DNHD1: variants seen among roughly 807,000 people sequenced by gnomAD.
DNHD1 encodes the protein dynein heavy chain domain-containing protein 1.
Under a neutral mutation model 458.1 loss-of-function variants are expected in DNHD1, and 383 were observed. That is an observed-to-expected ratio of 0.84 (90% CI 0.77 to 0.91). The LOEUF (loss-of-function observed/expected upper bound fraction) is 0.91. DNHD1 is among the 40% of genes least tolerant of loss of function. The pLI, the probability that DNHD1 is intolerant of heterozygous loss-of-function variation, is 0.00. For missense variants in DNHD1, 5,336 were observed against 5,866.1 expected (o/e 0.91, Z 2.95); for synonymous variants, 2,203 against 2,376.9 (o/e 0.93, Z 2.13).
At chr11:6,558,738 C>G in intron 26 of DNHD1, 45 bp downstream of exon 26, 1 of 1,539,222 alleles carries the variant, frequency 6.5e-7, no homozygotes, top group Non-Finnish European at 8.8e-7. Context: ...CTACCAGGCT[C>G]TAATGAGGGT....
At chr11:6,553,974 T>C (rs1462624358) in intron 24 of DNHD1, among the ~76,000 whole-genome samples, 25 of 151,328 alleles carry the variant, frequency 1.7e-4, no homozygotes, top group Admixed American at 1.6e-3. Flanking sequence ...TTTTTTTTGG[T>C]AAGTTGACAG....
Position 6,567,044 on chromosome 11 carries a change from A to G in DNHD1, c.11535A>G (p.Val3845=). 1 of 1,614,002 alleles carries G rather than the reference A, an allele frequency of 6.2e-7. No homozygotes were observed. The highest frequency in any genetic ancestry group is 2.2e-5 in the East Asian group (1 of 44,880). Residue 3845 remains valine (V), a synonymous_variant, in exon 36 of 43, where the codon GTA becomes GTG. Coordinates refer to ENST00000254579, the MANE Select transcript of DNHD1 (RefSeq NM_144666.3). ...ELEGQKLQEM[V]LWAPYRPVVW... is the part of the protein sequence containing the mutation. ...AAGGGCAGAAACTACAGGAGATGGTATTGTGGGCACCCTATCGACCTGTGG... is the reference window on the plus strand; with the variant it reads ...AAGGGCAGAAACTACAGGAGATGGTGTTGTGGGCACCCTATCGACCTGTGG...
chr11:6,528,825 C>A (rs894465980), intron 11 of DNHD1, 38 bp downstream of exon 11: 3 of 1,549,912 alleles, frequency 1.9e-6, no homozygotes, highest in African/African-American at 2.7e-5. Context: ...CGCTGCCCAC[C>A]AATTCCCATT....
At chr11:6,536,368 A>G (rs949103247) in intron 14 of DNHD1, among the ~76,000 whole-genome samples, 11 of 152,236 alleles carry the variant, frequency 7.2e-5, no homozygotes, top group African/African-American at 2.4e-4. Context: ...TCAATATAAT[A>G]TATGAAATTT....
rs1389544034 is a variant in DNHD1, at chr11:6,508,920, C to T, written c.961C>T (p.Pro321Ser). 1.2e-6 allele frequency: 2 copies of T among 1,614,046 alleles called. No homozygotes were observed. The highest frequency in any genetic ancestry group is 2.7e-5 in the African/African-American group (2 of 74,912). ...LMVVPPDKVN[P>S]EHYIFSPFGI... ...GGTGGTGCCACCCGACAAGGTGAAT[C>T]CCGAGCACTACATCTTCTCTCCCTT... The change falls in exon 5 of 43, where the codon CCC becomes TCC. Residue 321 changes from proline to serine, a missense_variant. Physicochemically the swap from Pro to Ser is moderately conservative, Grantham distance 74. Transcript: ENST00000254579.
In DNHD1 at chr11:6,570,712, C is replaced by T. The variant is rs570280604; in HGVS notation, c.13200C>T (p.Gly4400=). The change falls in exon 42 of 43, where the codon GGC becomes GGT. Residue 4400 remains glycine, a synonymous_variant. Transcript: ENST00000254579. ...PEPRLCGLSE[G]PQAWLLRRQS... ...CCCGGCTCTGCGGACTGAGTGAGGG[C>T]CCCCAAGCCTGGCTGTTGCGACGCC... is the stretch of plus-strand genomic sequence containing the variant. The T allele has an allele frequency of 6.7e-4, 1,075 of 1,611,024 alleles. 12 individuals carry two copies. In the South Asian group the frequency reaches 0.011, roughly 16 times the overall value.
chr11:6,544,311 G>C (rs1853160822), intron 19 of DNHD1, 65 bp downstream of exon 19: 2 of 1,537,380 alleles, frequency 1.3e-6, no homozygotes, highest in East Asian at 4.9e-5. Flanking sequence ...AGAGGGATGG[G>C]GGTGAGAGGT....
intron 4 of DNHD1, 60 bp downstream of exon 4, chr11:6,502,986 T>C: frequency 1.9e-6 from 3 of 1,579,394 alleles, no homozygotes; most frequent in Non-Finnish European, 2.6e-6. Flanking sequence ...CTATGCTATC[T>C]TCCCCCTCCT....
chr11:6,571,751 G>A lies in DNHD1; in HGVS notation c.14027G>A (p.Ser4676Asn). Residue 4676 changes from serine to asparagine, a missense_variant, in exon 43 of 43, where the codon AGC becomes AAC. By Grantham distance (46) the Ser-to-Asn change is conservative. This residue lies in a region of DNHD1 where 698 missense variants were observed against 664.9 expected (regional missense o/e 1.05). Coordinates refer to ENST00000254579, the MANE Select transcript of DNHD1 (RefSeq NM_144666.3). This position sits in a 1 kb window ranked among gnomAD's most constrained non-coding sequence, Gnocchi z 5.0. ...IAGALQDSPS[S>N]QPSPLPPVSI... Reference sequence around the variant, plus strand: ...GGAGCCTTGCAGGACAGTCCTTCCAGCCAACCCAGCCCTCTGCCTCCCGTC... The same window carrying A: ...GGAGCCTTGCAGGACAGTCCTTCCAACCAACCCAGCCCTCTGCCTCCCGTC... 6.2e-7 allele frequency: 1 copy of A among 1,613,376 alleles called. No homozygotes were observed. Among genetic ancestry groups the A allele is most frequent in the Non-Finnish European group, 8.5e-7 (1 of 1,179,618 alleles).
intron 6 of DNHD1, among the ~76,000 whole-genome samples, chr11:6,510,939 T>A (rs572381030): frequency 3.3e-4 from 50 of 152,306 alleles, no homozygotes; most frequent in African/African-American, 1.2e-3. Flanking sequence ...TTTAGCTTTC[T>A]CTATTCCAAG....
rs780869655 is a variant in DNHD1 at position 6,502,882 on chromosome 11, G to C, written c.876G>C (p.Lys292Asn). 6.2e-6 allele frequency: 10 copies of C among 1,613,766 alleles called. No individual in the cohort carries two copies. The highest frequency in any genetic ancestry group is 5.1e-6 in the Non-Finnish European group (6 of 1,179,852). Residue 292 changes from lysine to asparagine, a missense_variant, in exon 4 of 43, where the codon AAG (lysine) becomes AAC (asparagine). Lys to Asn is a moderately conservative substitution (Grantham distance 94). Around this residue, in one of 4 missense-constraint regions of DNHD1, gnomAD observed 3,932 missense variants for 4,365.6 expected, o/e 0.90. Transcript: ENST00000254579. ...TALKMERYLK[K>N]IHFLYLNVAP... The stretch of plus-strand genomic sequence containing the variant: ...TGAAGATGGAGAGATACCTGAAGAA[G>C]ATCCACTTCCTCTATCTCAATGTGG...
chr11:6,570,824 C>G lies in DNHD1; in HGVS notation c.13312C>G (p.Arg4438Gly). The change falls in exon 42 of 43, where the codon CGA (arginine) becomes GGA (glycine). Residue 4438 changes from arginine to glycine, a missense_variant. This residue lies in a region of DNHD1 where 698 missense variants were observed against 664.9 expected (regional missense o/e 1.05). Transcript: ENST00000254579. ...AAGAGGCGCCCAGCTTGCGGAAAGG[C>G]GACTGCGGCAACGCCTAGTGCAAGT... ...SRRGAQLAER[R>G]LRQRLVQVNR... The G allele has an allele frequency of 2.5e-6, 4 of 1,614,020 alleles. No individual in the cohort carries two copies. The highest frequency in any genetic ancestry group is 3.4e-6 in the Non-Finnish European group (4 of 1,179,890).
Position 6,570,005 on chromosome 11 carries a change from C to G in DNHD1, c.12864-4C>G, listed in dbSNP as rs1853802763. On this transcript the variant is annotated splice_region_variant and splice_polypyrimidine_tract_variant and intron_variant, in intron 39 of 42. Coordinates refer to ENST00000254579, the MANE Select transcript of DNHD1 (RefSeq NM_144666.3). ...AAACCCTGCTTTCCGCTCCCCTTCT[C>G]TAGGAGTCAAGTGACTCTAACCCAG... is the stretch of plus-strand genomic sequence containing the variant. The G allele has an allele frequency of 2.5e-6, 4 of 1,613,386 alleles. No homozygotes were observed. Among genetic ancestry groups the G allele is most frequent in the Non-Finnish European group, 3.4e-6 (4 of 1,179,566 alleles).
chr11:6,563,457 C>T lies in DNHD1; in HGVS notation c.9745C>T (p.Pro3249Ser). The T allele has an allele frequency of 6.4e-7, 1 of 1,551,678 alleles. No individual in the cohort carries two copies. Among genetic ancestry groups the T allele is most frequent in the East Asian group, 2.4e-5 (1 of 40,916 alleles). The change falls in exon 30 of 43, where the codon CCA becomes TCA. Residue 3249 changes from proline to serine, a missense_variant. Physicochemically the swap from Pro to Ser is moderately conservative, Grantham distance 74. Transcript: ENST00000254579. ...TGAGGAGATACGGAGCTATCGAGCA[C>T]CACCAGAATCTGTGGTCCGGGTAAC... ...DFEEIRSYRA[P>S]PESVVRVTDA... is the part of the protein sequence containing the mutation.
Position 6,563,983 on chromosome 11 carries a change from G to A in DNHD1, c.10143G>A (p.Leu3381=). The A allele has an allele frequency of 6.4e-7, 1 of 1,551,746 alleles. No homozygotes were observed. Among genetic ancestry groups the A allele is most frequent in the Non-Finnish European group, 8.7e-7 (1 of 1,147,006 alleles). The part of the protein sequence containing the change: ...AQETLEHNLA[L]AKMVEDAQAS... ...AGACCCTGGAGCATAATTTGGCCCTGGCTAAGATGGTGGAGGATGCCCAAG... is the reference window on the plus strand; with the variant it reads ...AGACCCTGGAGCATAATTTGGCCCTAGCTAAGATGGTGGAGGATGCCCAAG... The change falls in exon 31 of 43, where the codon CTG becomes CTA. Residue 3381 remains leucine, a synonymous_variant. Transcript: ENST00000254579.
Position 6,511,265 on chromosome 11 carries a change from G to C in DNHD1, c.1236-8G>C. 6.2e-7 allele frequency: 1 copy of C among 1,613,910 alleles called. No homozygotes were observed. Among genetic ancestry groups the C allele is most frequent in the Non-Finnish European group, 8.5e-7 (1 of 1,179,868 alleles). On this transcript the variant is annotated splice_polypyrimidine_tract_variant and splice_region_variant and intron_variant, in intron 6 of 42. Coordinates refer to ENST00000254579, the MANE Select transcript of DNHD1 (RefSeq NM_144666.3). ...GCCAGCTCTGACCAGCTTAGTCCTT[G>C]ATTCTAGGCTTCTGCAGGAGCTACA...
intron 39 of DNHD1, among the ~76,000 whole-genome samples, chr11:6,569,779 G>C (rs1285950740): frequency 6.6e-6 from 1 of 152,108 alleles, no homozygotes; most frequent in African/African-American, 2.4e-5. Flanking sequence ...ATGACTCTCA[G>C]ATTTTTGCTT....
At chr11:6,547,743 G>T (rs754345237) in intron 21 of DNHD1, 77 bp downstream of exon 21, 1 of 1,478,716 alleles carries the variant, frequency 6.8e-7, no homozygotes, top group African/African-American at 1.4e-5. Context: ...AGCCTGGGGC[G>T]TGTGTTCTTT....
intron 3 of DNHD1, among the ~76,000 whole-genome samples, chr11:6,500,089 C>T (rs988409109): frequency 6.6e-6 from 1 of 151,912 alleles, no homozygotes; most frequent in Non-Finnish European, 1.5e-5. Context: ...CTCAGCCTCC[C>T]GAGTAGCTGG....
Sources: allele counts gnomAD v4.1 joint callset (sites outside exome capture counted in the v4.1 genomes callset), GRCh38; gene constraint gnomAD v4.1.1; regional missense constraint gnomAD v4.1.1; non-coding constraint Gnocchi (gnomAD v3.1); transcripts MANE v1.5; gene names NCBI Gene and HGNC (gene_info 2026-07-23, HGNC 2026-07-21).